Variants in PYGB observed in about 807,000 individuals in gnomAD.
PYGB encodes glycogen phosphorylase B, also known as glycogen phosphorylase, brain form.
Under a neutral mutation model 94.3 loss-of-function variants are expected in PYGB, and 82 were observed. That is an observed-to-expected ratio of 0.87 (90% CI 0.73 to 1.04). The LOEUF is 1.04. Among genes scored for constraint, PYGB ranks in the 50% least tolerant of loss-of-function variants. The pLI is 0.00. For missense variants in PYGB, 1,132 were observed against 1,158.2 expected (o/e 0.98, Z 0.33); for synonymous variants, 488 against 479.1 (o/e 1.02, Z -0.24).
At chr20:25,272,562 A>C (rs190287987) in intron 4 of PYGB, among the ~76,000 whole-genome samples, 97 of 152,380 alleles carry the variant, frequency 6.4e-4, no homozygotes, top group Non-Finnish European at 1.1e-3. Context: ...CATTTACAGC[A>C]CCTAGGTGTG....
intron 3 of PYGB, 75 bp from the exon 4 acceptor site, chr20:25,271,308 C>A: frequency 7.1e-7 from 1 of 1,402,092 alleles, no homozygotes; most frequent in Non-Finnish European, 1.0e-6. Flanking sequence ...CTGCCTTGCG[C>A]CCTGTGGGCT....
intron 2 of PYGB, among the ~76,000 whole-genome samples, chr20:25,264,646 G>T (rs568723706): frequency 6.6e-6 from 1 of 152,030 alleles, no homozygotes; most frequent in African/African-American, 2.4e-5. Context: ...ACAAACAGAG[G>T]GCCAAATCAT....
intron 2 of PYGB, among the ~76,000 whole-genome samples, chr20:25,261,474 G>A (rs191235725): frequency 3.5e-4 from 53 of 152,256 alleles, no homozygotes; most frequent in African/African-American, 4.3e-4. Context: ...CCAAAACCCC[G>A]TCTGTACGTC....
chr20:25,274,082 T>TTCAG (rs2088289555), intron 4 of PYGB, among the ~76,000 whole-genome samples: 1 of 152,230 alleles, frequency 6.6e-6, no homozygotes, highest in Non-Finnish European at 1.5e-5. Flanking sequence ...GAGAGTCGAT[T>TTCAG]TCAGTATATT....
At chr20:25,272,574 G>A (rs2088276698) in intron 4 of PYGB, among the ~76,000 whole-genome samples, 2 of 152,266 alleles carry the variant, frequency 1.3e-5, no homozygotes, top group South Asian at 4.1e-4. Flanking sequence ...CTAGGTGTGG[G>A]TGCATAATGT....
chr20:25,248,559 G>A, intron 1 of PYGB, 138 bp downstream of exon 1: 3 of 1,137,166 alleles, frequency 2.6e-6, no homozygotes, highest in Middle Eastern at 3.4e-4. Context: ...AGGCACAGCC[G>A]ACTGGGGAGT....
At chr20:25,254,205 C>T (rs78158826) in intron 1 of PYGB, among the ~76,000 whole-genome samples, 4,375 of 152,308 alleles carry the variant, frequency 0.029, 74 homozygotes, top group Non-Finnish European at 0.041. Context: ...ACATTTTAAT[C>T]AACACAGTGC....
chr20:25,263,154 A>G (rs2092917404), intron 2 of PYGB, among the ~76,000 whole-genome samples: 1 of 152,216 alleles, frequency 6.6e-6, no homozygotes, highest in African/African-American at 2.4e-5. Context: ...CCAAATCAAC[A>G]AAATATACAT....
intron 2 of PYGB, among the ~76,000 whole-genome samples, chr20:25,268,617 G>A (rs1269150466): frequency 6.6e-6 from 1 of 152,184 alleles, no homozygotes; most frequent in African/African-American, 2.4e-5. Context: ...TCAAGTTCGT[G>A]CACTAAAGCC....
intron 19 of PYGB, 84 bp downstream of exon 19, chr20:25,295,754 C>A (rs1429304184): frequency 1.4e-6 from 2 of 1,441,138 alleles, no homozygotes; most frequent in East Asian, 4.6e-5. Context: ...ATTTCCCAAG[C>A]TGAGTAGATT....
intron 7 of PYGB, among the ~76,000 whole-genome samples, 174 bp downstream of exon 7, chr20:25,277,500 C>G (rs1179814587): frequency 6.6e-6 from 1 of 152,188 alleles, no homozygotes; most frequent in Non-Finnish European, 1.5e-5. Flanking sequence ...AGAGGGTGCA[C>G]TGTCCTCCAT....
chr20:25,277,597 ACTCCCCTCATAAACACACAGCCG>A (rs2088325615), intron 7 of PYGB, among the ~76,000 whole-genome samples: 1 of 151,142 alleles, frequency 6.6e-6, no homozygotes, highest in Non-Finnish European at 1.5e-5. Context: ...CCTCTTATCC[ACTCCCCTCATAAACACACAGCCG>A]CTCCTTGGGG....
chr20:25,277,195 C>G, intron 6 of PYGB, 49 bp from the exon 7 acceptor site: 1 of 1,448,390 alleles, frequency 6.9e-7, no homozygotes, highest in Non-Finnish European at 9.7e-7. Context: ...GGTTGCAGTG[C>G]TGGTGCCAGG....
chr20:25,259,426 G>GT (rs976958192), intron 2 of PYGB, 88 bp downstream of exon 2: 1 of 1,006,858 alleles, frequency 9.9e-7, no homozygotes, highest in African/African-American at 1.6e-5. Flanking sequence ...GAGCCCTGAT[G>GT]TTAAGACTAG....
At chr20:25,272,332 G>C (rs1019462562) in intron 4 of PYGB, among the ~76,000 whole-genome samples, 3 of 152,220 alleles carry the variant, frequency 2.0e-5, no homozygotes, top group Non-Finnish European at 4.4e-5. Flanking sequence ...TGGCAAGGGG[G>C]GTTGGGCCTC....
intron 2 of PYGB, among the ~76,000 whole-genome samples, chr20:25,266,726 T>A (rs962035059): frequency 3.9e-5 from 6 of 152,268 alleles, no homozygotes; most frequent in Non-Finnish European, 7.4e-5. Flanking sequence ...TGGATGTTTC[T>A]CCAAAGATGA....
intron 2 of PYGB, among the ~76,000 whole-genome samples, chr20:25,266,413 A>C (rs1408271145): frequency 6.6e-6 from 1 of 152,198 alleles, no homozygotes; most frequent in Non-Finnish European, 1.5e-5. Context: ...TGGCTCAAAG[A>C]CCTAAATATA....
At position 25,270,213 on chromosome 20, in the gene PYGB, T is replaced by C. The variant is rs554825529; in HGVS notation, c.424+1006T>C. Among the ~76,000 whole-genome samples, 63 of 148,772 alleles carry C rather than the reference T, an allele frequency of 4.2e-4. 1 individual carries two copies. The South Asian group carries it at 9.2e-3, about 22-fold the overall frequency. ...TTTTTTTTGTTTTGTTTTGTTTTTTTTTTTTTTGAGATGGAGTCTCACTCC... is the reference window on the plus strand; with the variant it reads ...TTTTTTTTGTTTTGTTTTGTTTTTTCTTTTTTTGAGATGGAGTCTCACTCC... On this transcript the variant is annotated intron_variant, in intron 3 of 19. Transcript: ENST00000216962.
chr20:25,297,459 G>C lies in PYGB; in HGVS notation c.*937G>C, dbSNP rs1450177699. ...TGTGTCCTGAGGTGCATTTCCTGTTGTACACACAAGGGCCAGGCTCCATTC... is the reference window on the plus strand; with the variant it reads ...TGTGTCCTGAGGTGCATTTCCTGTTCTACACACAAGGGCCAGGCTCCATTC... On this transcript the variant is annotated 3_prime_UTR_variant, in exon 20 of 20. Coordinates refer to ENST00000216962, the MANE Select transcript of PYGB (RefSeq NM_002862.4). The C allele has an allele frequency of 6.6e-6, 1 of 152,396 alleles. No individual in the cohort carries two copies. The highest frequency in any genetic ancestry group is 1.9e-4 in the East Asian group (1 of 5,186). The allele number at this position is 152,396 out of a possible 1,614,324, so 9.4% of individuals were successfully genotyped here.
Sources: allele counts gnomAD v4.1 joint callset (sites outside exome capture counted in the v4.1 genomes callset), GRCh38; gene constraint gnomAD v4.1.1; transcripts MANE v1.5; gene names NCBI Gene and HGNC (gene_info 2026-07-23, HGNC 2026-07-21).